Variants in CDKAL1 observed in about 807,000 individuals in gnomAD.
CDKAL1 encodes the protein CDKAL1 threonylcarbamoyladenosine tRNA methylthiotransferase.
In CDKAL1, 32 loss-of-function variants were observed where a neutral mutation model predicts 68.2. The ratio of observed to expected loss-of-function variants is 0.47; its 90% CI spans 0.35 to 0.63. The LOEUF is 0.63. Among genes scored for constraint, CDKAL1 ranks in the 30% least tolerant of loss-of-function variants. The probability of loss-of-function intolerance (pLI) is 0.00; values close to 1 mark genes in which losing one functional copy is unlikely to be tolerated. For synonymous variants in CDKAL1, 234 were observed against 244.3 expected (o/e 0.96, Z 0.39); for missense variants, 606 against 696.7 (o/e 0.87, Z 1.47).
At chr6:21,110,653 G>A (rs987692654) in intron 13 of CDKAL1, among the ~76,000 whole-genome samples, 2 of 152,142 alleles carry the variant, frequency 1.3e-5, no homozygotes, top group African/African-American at 2.4e-5. Flanking sequence ...TACAACATCA[G>A]TTGTTTGGGG....
At chr6:21,212,669 T>C (rs1039102295) in intron 15 of CDKAL1, among the ~76,000 whole-genome samples, 2 of 152,216 alleles carry the variant, frequency 1.3e-5, no homozygotes, top group African/African-American at 4.8e-5. Context: ...TGTGTTTGTT[T>C]TCTAACATAG....
intron 2 of CDKAL1, among the ~76,000 whole-genome samples, chr6:20,546,095 T>C (rs1763590251): frequency 6.6e-6 from 1 of 152,234 alleles, no homozygotes; most frequent in South Asian, 2.1e-4. Flanking sequence ...GTTGAAGAAA[T>C]AGTTCCTGTT....
intron 4 of CDKAL1, among the ~76,000 whole-genome samples, chr6:20,554,660 C>T (rs1168750773): frequency 1.3e-5 from 2 of 152,198 alleles, no homozygotes; most frequent in Non-Finnish European, 2.9e-5. Context: ...CAGAACCTCA[C>T]AATCCTTACA....
chr6:20,876,480 T>C (rs1214736421), intron 9 of CDKAL1, among the ~76,000 whole-genome samples: 2 of 152,250 alleles, frequency 1.3e-5, no homozygotes, highest in African/African-American at 4.8e-5. Context: ...AGTGGACATA[T>C]TTTAGGCAAA....
At chr6:21,229,679 C>G (rs1779882265) in intron 15 of CDKAL1, among the ~76,000 whole-genome samples, 1 of 152,186 alleles carries the variant, frequency 6.6e-6, no homozygotes, top group Non-Finnish European at 1.5e-5. Context: ...TTCCTTCCAT[C>G]TAGCATTTCT....
At chr6:20,976,404 A>G in intron 10 of CDKAL1, among the ~76,000 whole-genome samples, 1 of 152,238 alleles carries the variant, frequency 6.6e-6, no homozygotes, top group East Asian at 1.9e-4. Context: ...AAATTAGAAT[A>G]AATGAATCCA....
intron 12 of CDKAL1, among the ~76,000 whole-genome samples, chr6:21,093,678 T>A (rs1319280850): frequency 7.0e-6 from 1 of 143,546 alleles, no homozygotes; most frequent in Non-Finnish European, 1.5e-5. Context: ...GATAACCAAC[T>A]GAGCTGCTGC....
At chr6:20,878,814 C>T (rs1457097251) in intron 9 of CDKAL1, among the ~76,000 whole-genome samples, 1 of 151,634 alleles carries the variant, frequency 6.6e-6, no homozygotes, top group African/African-American at 2.4e-5. Flanking sequence ...CATGGTGGCT[C>T]ACGCCTGTAA....
At chr6:20,638,778 C>T (rs1768025814) in intron 4 of CDKAL1, among the ~76,000 whole-genome samples, 1 of 126,932 alleles carries the variant, frequency 7.9e-6, no homozygotes, top group African/African-American at 2.9e-5. Flanking sequence ...GGATTACAAA[C>T]ACGCGCCACC....
intron 11 of CDKAL1, among the ~76,000 whole-genome samples, chr6:21,050,252 C>T (rs1021103714): frequency 2.6e-5 from 4 of 152,074 alleles, no homozygotes; most frequent in African/African-American, 7.2e-5. Context: ...TAGATTTTGC[C>T]TAATATTGAT....
intron 4 of CDKAL1, among the ~76,000 whole-genome samples, chr6:20,586,435 C>T (rs527481451): frequency 1.2e-3 from 183 of 152,226 alleles, no homozygotes; most frequent in African/African-American, 3.8e-3. Context: ...GTCAGGAGTT[C>T]GAGAACAGCC....
chr6:20,582,266 G>T (rs1035995300), intron 4 of CDKAL1, among the ~76,000 whole-genome samples: 4 of 151,986 alleles, frequency 2.6e-5, no homozygotes, highest in African/African-American at 9.7e-5. Context: ...ATTTCAGGTG[G>T]CAAACACAGA....
intron 10 of CDKAL1, among the ~76,000 whole-genome samples, chr6:20,989,640 C>T (rs564237524): frequency 4.3e-4 from 65 of 152,250 alleles, no homozygotes; most frequent in Non-Finnish European, 8.7e-4. Context: ...TTGATTCGTT[C>T]TGTTGGTGTG....
intron 13 of CDKAL1, among the ~76,000 whole-genome samples, chr6:21,143,689 T>C (rs1410519562): frequency 6.6e-6 from 1 of 152,198 alleles, no homozygotes; most frequent in Non-Finnish European, 1.5e-5. Context: ...CTATACCCTC[T>C]TATATAGCAT....
At chr6:20,889,295 C>T (rs967648877) in intron 9 of CDKAL1, among the ~76,000 whole-genome samples, 30 of 152,056 alleles carry the variant, frequency 2.0e-4, no homozygotes, top group African/African-American at 5.5e-4. Flanking sequence ...GAGTAGGTTG[C>T]GAAAATTTTC....
chr6:21,158,771 GTTTAA>G (rs1159423163), intron 13 of CDKAL1, among the ~76,000 whole-genome samples: 1 of 152,192 alleles, frequency 6.6e-6, no homozygotes, highest in Non-Finnish European at 1.5e-5. Flanking sequence ...AATCTGAACA[GTTTAA>G]TTTAGATAAA....
At position 20,665,158 on chromosome 6, in the gene CDKAL1, G is replaced by A. The variant is rs578005570; in HGVS notation, c.371+15781G>A. Among the ~76,000 whole-genome samples, 18 of 152,144 alleles carry A rather than the reference G, an allele frequency of 1.2e-4. No homozygotes were observed. The South Asian group carries it at 3.1e-3, about 26-fold the overall frequency. ...TCTGGAGAGTCTTAGCTCTCCCATA[G>A]ACCTGGGGCAGTGTCTTGAAAACTT... On this transcript the variant is annotated intron_variant, in intron 5 of 15. Transcript: ENST00000274695.
At chr6:21,095,876 T>C (rs772784991) in intron 12 of CDKAL1, among the ~76,000 whole-genome samples, 3 of 152,138 alleles carry the variant, frequency 2.0e-5, no homozygotes, top group Non-Finnish European at 4.4e-5. Flanking sequence ...CAAAAATAAG[T>C]CTATTTTTGA....
rs558679537 is a variant in CDKAL1 at position 20,579,198 on chromosome 6, C to T, written c.286+30493C>T. Among the ~76,000 whole-genome samples, 64 of 152,010 alleles carry T rather than the reference C, an allele frequency of 4.2e-4. No homozygotes were observed. The South Asian group carries it at 4.4e-3, about 10-fold the overall frequency. ...TTCAACTTGTTGCCCTGGCTGGTCTCGAACTCCTGACCTGAAGTGATCCAC... is the reference window on the plus strand; with the variant it reads ...TTCAACTTGTTGCCCTGGCTGGTCTTGAACTCCTGACCTGAAGTGATCCAC... On this transcript the variant is annotated intron_variant, in intron 4 of 15. Coordinates refer to ENST00000274695, the MANE Select transcript of CDKAL1 (RefSeq NM_017774.3).
Sources: allele counts gnomAD v4.1 joint callset (sites outside exome capture counted in the v4.1 genomes callset), GRCh38; gene constraint gnomAD v4.1.1; transcripts MANE v1.5; gene names NCBI Gene and HGNC (gene_info 2026-07-23, HGNC 2026-07-21).